The following INVS variants were observed in gnomAD, a reference collection of about 807,000 sequenced individuals.
INVS encodes inversion of embryo turning homolog.
In INVS, 86 loss-of-function variants were observed where a neutral mutation model predicts 108.8. The ratio of observed to expected loss-of-function variants is 0.79; its 90% CI spans 0.66 to 0.95. The LOEUF (loss-of-function observed/expected upper bound fraction) is 0.95, where lower values mean the gene tolerates loss of function less well. Among genes scored for constraint, INVS ranks in the 40% least tolerant of loss-of-function variants. INVS has a pLI of 0.00. For missense variants in INVS, 1,169 were observed against 1,297.4 expected, an observed-to-expected ratio of 0.90 and a Z score of 1.52; for synonymous variants, 455 against 473.5, an observed-to-expected ratio of 0.96 and a Z score of 0.51.
chr9:100,277,816 G>A (rs1833155076), intron 12 of INVS, among the ~76,000 whole-genome samples: 2 of 152,062 alleles, frequency 1.3e-5, no homozygotes, highest in Admixed American at 1.3e-4. Flanking sequence ...CAAACCCCTA[G>A]ACACCATGCA....
At chr9:100,210,945 G>T (rs1257393829) in intron 3 of INVS, among the ~76,000 whole-genome samples, 1 of 151,812 alleles carries the variant, frequency 6.6e-6, no homozygotes, top group Admixed American at 6.6e-5. Flanking sequence ...TCCTAGATTA[G>T]GTTCTTTGTT....
At position 100,226,017 on chromosome 9, in the gene INVS, C is replaced by A. The variant is rs1286977326; in HGVS notation, c.274-45C>A. On this transcript the variant is annotated intron_variant, in intron 3 of 16. Transcript: ENST00000262457. ...ATTTTAAAATTAAAAAAAATTTTGA[C>A]CCCATAGTACATTTTTTTCTTATCA... 4 of 1,433,132 alleles carry A rather than the reference C, an allele frequency of 2.8e-6. No homozygotes were observed. In the African/African-American group the frequency reaches 4.3e-5, roughly 16 times the overall value. 88.8% of individuals were successfully genotyped at this position (1,433,132 alleles called of 1,614,324 possible). A position where few individuals can be genotyped will look rare whatever the true frequency, so the allele number is the denominator to read the frequency against.
chr9:100,110,776 G>C (rs1827318251), intron 2 of INVS, among the ~76,000 whole-genome samples: 1 of 152,166 alleles, frequency 6.6e-6, no homozygotes, highest in Non-Finnish European at 1.5e-5. Flanking sequence ...GCAAGGTGTT[G>C]GGGCAAGTCT....
At position 100,293,043 on chromosome 9, in the gene INVS, G is replaced by C; in HGVS notation, c.2786G>C (p.Ser929Thr). 3 of 1,613,082 alleles carry C rather than the reference G, an allele frequency of 1.9e-6. No individual in the cohort carries two copies. The highest frequency in any genetic ancestry group is 1.1e-5 in the South Asian group (1 of 91,000). ...GCAGTCATCCAGCGCGCCTGGCGAA[G>C]GTAGGAAAATGGGGTGCTGCCGCAT... ...AAAVIQRAWR[S>T]YQLRKHLSHL... The change falls in exon 14 of 17, where the codon AGC becomes ACC. Residue 929 changes from serine (S) to threonine (T), a missense_variant and splice_region_variant. By Grantham distance (58) the Ser-to-Thr change is moderately conservative. This residue lies in a region of INVS where 533 missense variants were observed against 536.0 expected (regional missense o/e 0.99). Coordinates refer to ENST00000262457, the MANE Select transcript of INVS (RefSeq NM_014425.5).
intron 5 of INVS, among the ~76,000 whole-genome samples, chr9:100,231,554 G>A (rs969341547): frequency 3.2e-5 from 4 of 123,508 alleles, no homozygotes; most frequent in African/African-American, 1.3e-4. Flanking sequence ...TCCCCTCCCT[G>A]TGTCCATGTG....
chr9:100,128,305 T>TAAA (rs1827950118), intron 3 of INVS, among the ~76,000 whole-genome samples: 1 of 152,248 alleles, frequency 6.6e-6, no homozygotes, highest in East Asian at 1.9e-4. Flanking sequence ...TGGTGGTATT[T>TAAA]ACATAGTTGG....
At chr9:100,256,857 A>T (rs570571717) in intron 10 of INVS, among the ~76,000 whole-genome samples, 2 of 152,286 alleles carry the variant, frequency 1.3e-5, no homozygotes, top group East Asian at 1.9e-4. Flanking sequence ...AATAAGTGCA[A>T]TGTGGTACTG....
intron 3 of INVS, chr9:100,129,701 G>A: frequency 1.4e-6 from 1 of 713,260 alleles, no homozygotes; most frequent in East Asian, 2.7e-5. Flanking sequence ...AGCACAGGCA[G>A]GATCTAAGAG....
intron 3 of INVS, among the ~76,000 whole-genome samples, chr9:100,181,742 C>A (rs1427658579): frequency 6.6e-6 from 1 of 152,134 alleles, no homozygotes; most frequent in Non-Finnish European, 1.5e-5. Context: ...CATTGACTTT[C>A]TTCACAGAAT....
intron 3 of INVS, among the ~76,000 whole-genome samples, chr9:100,209,926 A>G (rs1830787127): frequency 6.6e-6 from 1 of 152,072 alleles, no homozygotes. Context: ...CTATCCTCAG[A>G]CATACTGTGT....
intron 3 of INVS, among the ~76,000 whole-genome samples, chr9:100,211,744 GTTC>G (rs1392743085): frequency 6.6e-6 from 1 of 152,192 alleles, no homozygotes; most frequent in Non-Finnish European, 1.5e-5. Flanking sequence ...CCAGAGAGAT[GTTC>G]TTGGCTGATG....
At chr9:100,246,481 G>T in intron 7 of INVS, 135 bp from the exon 8 acceptor site, 1 of 658,566 alleles carries the variant, frequency 1.5e-6, no homozygotes, top group Non-Finnish European at 2.6e-6. Context: ...TTAATAAAAA[G>T]ATAATTTAAT....
Position 100,240,247 on chromosome 9 carries a change from G to A in INVS, c.796+7G>A. ...CACTGGGCAGCTTTATTAGGTACGT[G>A]ACTCAAAGGATCAACAGTAAAAGGA... On this transcript the variant is annotated splice_region_variant and intron_variant, in intron 6 of 16. Coordinates refer to ENST00000262457, the MANE Select transcript of INVS (RefSeq NM_014425.5). The A allele has an allele frequency of 6.2e-7, 1 of 1,609,996 alleles. No individual in the cohort carries two copies. Among genetic ancestry groups the A allele is most frequent in the Non-Finnish European group, 8.5e-7 (1 of 1,176,424 alleles).
chr9:100,172,754 G>A (rs1401609785), intron 3 of INVS, among the ~76,000 whole-genome samples: 1 of 152,166 alleles, frequency 6.6e-6, no homozygotes, highest in African/African-American at 2.4e-5. Flanking sequence ...CTACAGGTAG[G>A]CAGTGGTCAA....
At chr9:100,106,761 C>T (rs548762770) in intron 2 of INVS, among the ~76,000 whole-genome samples, 2 of 152,148 alleles carry the variant, frequency 1.3e-5, no homozygotes, top group East Asian at 3.9e-4. Flanking sequence ...AAGGCAGATA[C>T]GTTCATTATA....
intron 3 of INVS, among the ~76,000 whole-genome samples, chr9:100,223,780 G>C (rs190875083): frequency 1.6e-4 from 24 of 152,362 alleles, no homozygotes; most frequent in African/African-American, 4.6e-4. Context: ...AATATAGACA[G>C]TCTACAGATC....
rs759095839 is a variant in INVS at position 100,104,625 on chromosome 9, T to C, written c.104T>C (p.Val35Ala). The C allele has an allele frequency of 3.1e-6, 5 of 1,606,820 alleles. No individual in the cohort carries two copies. In the Admixed American group the frequency reaches 8.3e-5, roughly 27 times the overall value. ...GDKGALQRLI[V>A]GNSALKDKED... ...AAGGGTGCTCTACAGAGGCTCATCG[T>C]AGGTAAGCAGTCCCCTTAAGTACAG... The change falls in exon 2 of 17, where the codon GTA becomes GCA. Residue 35 changes from valine (V) to alanine (A), a missense_variant and splice_region_variant. This residue lies in a region of INVS where 365 missense variants were observed against 397.5 expected (regional missense o/e 0.92). Coordinates refer to ENST00000262457, the MANE Select transcript of INVS (RefSeq NM_014425.5).
chr9:100,176,719 G>A (rs974173989), intron 3 of INVS, among the ~76,000 whole-genome samples: 12 of 151,792 alleles, frequency 7.9e-5, no homozygotes, highest in South Asian at 2.1e-4. Flanking sequence ...CTTGTGATCC[G>A]CCCGCCTCAG....
intron 3 of INVS, among the ~76,000 whole-genome samples, chr9:100,137,734 A>G (rs1828272523): frequency 6.6e-6 from 1 of 152,358 alleles, no homozygotes; most frequent in South Asian, 2.1e-4. Flanking sequence ...ACAAATATAT[A>G]TGAGTATGAA....
Sources: allele counts gnomAD v4.1 joint callset (sites outside exome capture counted in the v4.1 genomes callset), GRCh38; gene constraint gnomAD v4.1.1; regional missense constraint gnomAD v4.1.1; transcripts MANE v1.5; gene names NCBI Gene and HGNC (gene_info 2026-07-23, HGNC 2026-07-21).